Variants in CCDC85A observed in about 807,000 individuals in gnomAD.
The protein encoded by CCDC85A is coiled-coil domain containing 85A.
Under a neutral mutation model 50.2 loss-of-function variants are expected in CCDC85A, and 38 were observed. The observed-to-expected ratio is 0.76, with a 90% CI of 0.58 to 0.99. The LOEUF (loss-of-function observed/expected upper bound fraction) is 0.99. CCDC85A is among the 50% of genes least tolerant of loss of function. The probability of loss-of-function intolerance (pLI) is 0.00; values close to 1 mark genes in which losing one functional copy is unlikely to be tolerated. For synonymous variants in CCDC85A, 366 were observed against 301.4 expected, an observed-to-expected ratio of 1.21 and a Z score of -2.22; for missense variants, 820 against 742.0, an observed-to-expected ratio of 1.11 and a Z score of -1.22.
At chr2:56,281,025 G>A (rs892889893) in intron 2 of CCDC85A, among the ~76,000 whole-genome samples, 1 of 152,162 alleles carries the variant, frequency 6.6e-6, no homozygotes, top group Non-Finnish European at 1.5e-5. Context: ...GTATGTCCAC[G>A]TAACCAATAC....
chr2:56,330,672 A>T (rs1673742122), intron 2 of CCDC85A, among the ~76,000 whole-genome samples: 1 of 152,190 alleles, frequency 6.6e-6, no homozygotes. Flanking sequence ...ACCAATTCCC[A>T]AGGAACAAGT....
intron 2 of CCDC85A, among the ~76,000 whole-genome samples, chr2:56,226,254 A>G (rs888850230): frequency 6.6e-6 from 1 of 152,196 alleles, no homozygotes; most frequent in Non-Finnish European, 1.5e-5. Context: ...AAATAAATAT[A>G]ATAAACCTTG....
chr2:56,207,557 C>T (rs1677008023), intron 2 of CCDC85A, among the ~76,000 whole-genome samples: 1 of 152,154 alleles, frequency 6.6e-6, no homozygotes, highest in Admixed American at 6.5e-5. Flanking sequence ...CTCCTTTTCA[C>T]CTGATTTCAG....
rs11301097 is a variant in CCDC85A at position 56,196,884 on chromosome 2, CAAA to C, written c.1240+3460_1240+3462del. ...CATTATCTTCTTTCTTCTTCGTCTT[CAAA>C]AAAAAAAAAAAAAAAGGAATTGTTT... On this transcript the variant is annotated intron_variant, in intron 2 of 5. Transcript: ENST00000407595. Among the ~76,000 whole-genome samples the C allele has an allele frequency of 4.3e-3, 564 of 131,112 alleles. 6 individuals are homozygous for C. In the East Asian group the frequency reaches 0.05, roughly 12 times the overall value. The allele number at this position is 131,112 out of a possible 152,430, so 86.0% of individuals were successfully genotyped here.
chr2:56,339,465 A>G (rs1674248709), intron 2 of CCDC85A, among the ~76,000 whole-genome samples: 1 of 152,234 alleles, frequency 6.6e-6, no homozygotes, highest in African/African-American at 2.4e-5. Context: ...CATCAGATAT[A>G]TAAACTGCAA....
At chr2:56,378,907 C>A (rs1345622383) in intron 5 of CCDC85A, among the ~76,000 whole-genome samples, 1 of 152,114 alleles carries the variant, frequency 6.6e-6, no homozygotes, top group East Asian at 1.9e-4. Flanking sequence ...TGTATTACTT[C>A]AACACTTTGA....
chr2:56,293,975 A>G (rs1215548833), intron 2 of CCDC85A, among the ~76,000 whole-genome samples: 1 of 152,226 alleles, frequency 6.6e-6, no homozygotes, highest in Non-Finnish European at 1.5e-5. Context: ...AAAGGAATAT[A>G]AATCATTCTG....
At chr2:56,294,784 A>G (rs1235077609) in intron 2 of CCDC85A, among the ~76,000 whole-genome samples, 1 of 152,346 alleles carries the variant, frequency 6.6e-6, no homozygotes, top group Middle Eastern at 3.4e-3. Context: ...AAAATATCAC[A>G]TTTAAAACTC....
rs115857917 is a variant in CCDC85A at position 56,348,836 on chromosome 2, T to C, written c.1317+5881T>C. Among the ~76,000 whole-genome samples, 149 of 152,346 alleles carry C rather than the reference T, an allele frequency of 9.8e-4. 1 individual carries two copies. Among genetic ancestry groups the C allele is most frequent in the African/African-American group, 3.3e-3 (137 of 41,578 alleles). ...TCCTTGTTTGCTGTGGCGATAGATATGTATCGTTTTGCCTCTTTATCCTTT... is the reference window on the plus strand; with the variant it reads ...TCCTTGTTTGCTGTGGCGATAGATACGTATCGTTTTGCCTCTTTATCCTTT... On this transcript the variant is annotated intron_variant, in intron 3 of 5. Coordinates refer to ENST00000407595, the MANE Select transcript of CCDC85A (RefSeq NM_001080433.2).
At chr2:56,260,994 G>T (rs553093902) in intron 2 of CCDC85A, among the ~76,000 whole-genome samples, 15 of 152,262 alleles carry the variant, frequency 9.9e-5, no homozygotes, top group Middle Eastern at 3.4e-3. Context: ...AAATTTAGTG[G>T]GTTCTTTTAA....
chr2:56,192,743 A>C lies in CCDC85A; in HGVS notation c.543A>C (p.Ala181=). The C allele has an allele frequency of 6.2e-7, 1 of 1,613,112 alleles. No homozygotes were observed. The highest frequency in any genetic ancestry group is 1.1e-5 in the South Asian group (1 of 91,048). Residue 181 remains alanine (A), a synonymous_variant, in exon 2 of 6, where the codon GCA becomes GCC. Coordinates refer to ENST00000407595, the MANE Select transcript of CCDC85A (RefSeq NM_001080433.2). This position sits in a 1 kb window ranked among gnomAD's most constrained non-coding sequence, Gnocchi z 4.7. ...ATGAGGAGAAGGGTGCAGGCTGCGC[A>C]GGCAGCCGCTGCTCCATCGACAGCC... The part of the protein sequence containing the change: ...LLDEEKGAGC[A]GSRCSIDSQA...
chr2:56,240,232 G>A (rs542391800), intron 2 of CCDC85A, among the ~76,000 whole-genome samples: 1 of 152,146 alleles, frequency 6.6e-6, no homozygotes, highest in African/African-American at 2.4e-5. Flanking sequence ...GTTTGCATAG[G>A]GTATAACTTT....
chr2:56,342,078 A>G (rs977916736), intron 2 of CCDC85A, among the ~76,000 whole-genome samples: 1 of 151,916 alleles, frequency 6.6e-6, no homozygotes, highest in African/African-American at 2.4e-5. Context: ...CTCATTGACA[A>G]CTCAAAATGT....
At position 56,278,446 on chromosome 2, in the gene CCDC85A, C is replaced by T. The variant is rs117752800; in HGVS notation, c.1241-64433C>T. On this transcript the variant is annotated intron_variant, in intron 2 of 5. Transcript: ENST00000407595. ...TCACTTTTAGACGCATAGCAAAGTC[C>T]AATTCTGTCTTTTCCAGCTGAATAC... is the stretch of plus-strand genomic sequence containing the variant. Among the ~76,000 whole-genome samples the T allele has an allele frequency of 3.2e-4, 48 of 152,218 alleles. 2 individuals are homozygous for T. In the East Asian group the frequency reaches 9.3e-3, roughly 29 times the overall value.
chr2:56,351,797 T>C (rs972992334), intron 3 of CCDC85A, among the ~76,000 whole-genome samples: 3 of 151,778 alleles, frequency 2.0e-5, no homozygotes, highest in Non-Finnish European at 2.9e-5. Context: ...TCCCATTTTG[T>C]AGGTTGCCTG....
At chr2:56,311,015 T>G (rs1672664036) in intron 2 of CCDC85A, among the ~76,000 whole-genome samples, 2 of 152,280 alleles carry the variant, frequency 1.3e-5, no homozygotes, top group East Asian at 3.9e-4. Flanking sequence ...ATATTCACAT[T>G]TCCCCTAAGT....
intron 1 of CCDC85A, among the ~76,000 whole-genome samples, chr2:56,191,805 A>G (rs534575990): frequency 3.2e-4 from 48 of 152,214 alleles, no homozygotes; most frequent in Non-Finnish European, 5.3e-4. Context: ...AAATGCCACT[A>G]GAGGGCAATT....
Position 56,269,655 on chromosome 2 carries a change from G to A in CCDC85A, c.1241-73224G>A, listed in dbSNP as rs896350703. Among the ~76,000 whole-genome samples, 19 of 152,222 alleles carry A rather than the reference G, an allele frequency of 1.2e-4. No individual in the cohort carries two copies. In the South Asian group the frequency reaches 2.7e-3, roughly 22 times the overall value. On this transcript the variant is annotated intron_variant, in intron 2 of 5. Coordinates refer to ENST00000407595, the MANE Select transcript of CCDC85A (RefSeq NM_001080433.2). ...TCTCTCAGGCTCACATTCAGTTGTC[G>A]TAAGTCAAGCATATGCTTTAAAATC...
chr2:56,252,007 G>C (rs1237690694), intron 2 of CCDC85A, among the ~76,000 whole-genome samples: 1 of 150,898 alleles, frequency 6.6e-6, no homozygotes, highest in Non-Finnish European at 1.5e-5. Context: ...TTATGTCTCT[G>C]TGGGCTTCAT....
Sources: gnomAD v4.1 joint callset for allele counts (sites outside exome capture counted in the v4.1 genomes callset) on GRCh38, gnomAD v4.1.1 for gene constraint, Gnocchi (gnomAD v3.1) non-coding constraint, MANE v1.5 for transcripts, NCBI Gene and HGNC (gene_info 2026-07-23, HGNC 2026-07-21) for gene names.